The following SUGCT variants were observed in gnomAD, a reference collection of about 807,000 sequenced individuals.
SUGCT encodes the protein succinyl-CoA:glutarate-CoA transferase.
SUGCT carries 41 observed loss-of-function variants against 55.0 expected under a neutral mutation model. The observed-to-expected ratio is 0.74, with a 90% confidence interval of 0.58 to 0.97. The LOEUF (loss-of-function observed/expected upper bound fraction) is 0.97. Ranked by LOEUF, SUGCT falls within the 50% of genes least tolerant of loss-of-function variation. SUGCT has a pLI of 0.00. For missense variants in SUGCT, 568 were observed against 547.8 expected (o/e 1.04, Z -0.37); for synonymous variants, 187 against 200.4 (o/e 0.93, Z 0.56).
intron 12 of SUGCT, among the ~76,000 whole-genome samples, chr7:40,514,804 G>A (rs898789069): frequency 3.3e-5 from 5 of 150,352 alleles, no homozygotes; most frequent in South Asian, 2.1e-4. Flanking sequence ...TCTTTACCAC[G>A]GCATACTTTT....
chr7:41,016,213 C>T, the SUGCT span, among the ~76,000 whole-genome samples: 13 of 152,210 alleles, frequency 8.5e-5, no homozygotes, highest in Non-Finnish European at 1.2e-4. Context: ...TAGCTCTTCA[C>T]GGGAATACAC....
At chr7:40,927,398 T>G in the SUGCT span, among the ~76,000 whole-genome samples, 4 of 152,178 alleles carry the variant, frequency 2.6e-5, no homozygotes. Context: ...GAGTCAGAAC[T>G]ATACAATATC....
intron 8 of SUGCT, among the ~76,000 whole-genome samples, chr7:40,291,553 T>C (rs945865605): frequency 1.9e-4 from 29 of 150,450 alleles, no homozygotes; most frequent in Non-Finnish European, 5.9e-5. Flanking sequence ...ATACCTAATG[T>C]TAAATGGCGA....
chr7:40,448,720 C>A (rs1788998927), intron 9 of SUGCT, among the ~76,000 whole-genome samples: 1 of 152,100 alleles, frequency 6.6e-6, no homozygotes, highest in Non-Finnish European at 1.5e-5. Flanking sequence ...TGCCATGCAC[C>A]TGTAGTCCCA....
chr7:40,638,140 G>T (rs1230379570), intron 12 of SUGCT, among the ~76,000 whole-genome samples: 1 of 152,190 alleles, frequency 6.6e-6, no homozygotes, highest in Non-Finnish European at 1.5e-5. Flanking sequence ...CTTTTAGAGT[G>T]CAGGGTTACT....
At chr7:40,921,044 T>C in the SUGCT span, among the ~76,000 whole-genome samples, 1 of 152,130 alleles carries the variant, frequency 6.6e-6, no homozygotes, top group Non-Finnish European at 1.5e-5. Context: ...TACTGTTAGC[T>C]CCACACTCTA....
At chr7:40,494,779 T>C (rs1189552453) in intron 11 of SUGCT, among the ~76,000 whole-genome samples, 1 of 152,228 alleles carries the variant, frequency 6.6e-6, no homozygotes, top group Non-Finnish European at 1.5e-5. Context: ...TTGAACATCA[T>C]TGTTCATATA....
At chr7:40,913,933 G>A in the SUGCT span, among the ~76,000 whole-genome samples, 1 of 152,046 alleles carries the variant, frequency 6.6e-6, no homozygotes, top group Non-Finnish European at 1.5e-5. Context: ...GTGGAGTCAG[G>A]AAAACAAATT....
chr7:40,341,120 A>G (rs1490433995), intron 9 of SUGCT, among the ~76,000 whole-genome samples: 2 of 152,230 alleles, frequency 1.3e-5, no homozygotes, highest in Non-Finnish European at 2.9e-5. Flanking sequence ...ATTCTTGTTT[A>G]CATTCTAATG....
chr7:40,592,818 C>T (rs181316821), intron 12 of SUGCT, among the ~76,000 whole-genome samples: 196 of 152,302 alleles, frequency 1.3e-3, no homozygotes, highest in African/African-American at 4.3e-3. Context: ...GAGAGATCTT[C>T]ATCCCATTGC....
At chr7:40,372,849 A>G (rs1784354734) in intron 9 of SUGCT, among the ~76,000 whole-genome samples, 1 of 152,060 alleles carries the variant, frequency 6.6e-6, no homozygotes, top group East Asian at 1.9e-4. Context: ...TTGCTCAAAT[A>G]ACGGAAAAGA....
chr7:40,248,456 T>G (rs1374806957), intron 7 of SUGCT, among the ~76,000 whole-genome samples: 1 of 152,248 alleles, frequency 6.6e-6, no homozygotes, highest in East Asian at 1.9e-4. Flanking sequence ...ATAGTTTATT[T>G]AACCTTCTCT....
the SUGCT span, among the ~76,000 whole-genome samples, chr7:40,879,013 C>T: frequency 2.0e-5 from 3 of 152,000 alleles, no homozygotes; most frequent in South Asian, 2.1e-4. Context: ...AGGATGGTCT[C>T]GAGCTCTTGA....
At chr7:40,493,592 A>G (rs2151513530) in intron 11 of SUGCT, among the ~76,000 whole-genome samples, 1 of 152,292 alleles carries the variant, frequency 6.6e-6, no homozygotes, top group Admixed American at 6.5e-5. Context: ...TCTAGAATGA[A>G]ATATATGTGT....
At chr7:40,321,190 C>CT (rs998258688) in intron 9 of SUGCT, among the ~76,000 whole-genome samples, 4 of 150,938 alleles carry the variant, frequency 2.7e-5, no homozygotes, top group African/African-American at 9.9e-5. Flanking sequence ...ATTCTCCCCC[C>CT]TCGGCCTCCT....
At chr7:40,778,209 T>A (rs1363355348) in intron 13 of SUGCT, among the ~76,000 whole-genome samples, 1 of 148,844 alleles carries the variant, frequency 6.7e-6, no homozygotes, top group Non-Finnish European at 1.5e-5. Flanking sequence ...AATTGTACTT[T>A]ATAAATCATA....
intron 1 of SUGCT, among the ~76,000 whole-genome samples, chr7:40,155,129 A>T: frequency 6.6e-6 from 1 of 152,022 alleles, no homozygotes; most frequent in African/African-American, 2.4e-5. Context: ...TACTAAAAAT[A>T]AAAAAATTAG....
chr7:40,346,367 T>A (rs1252496814), intron 9 of SUGCT, among the ~76,000 whole-genome samples: 1 of 152,004 alleles, frequency 6.6e-6, no homozygotes, highest in African/African-American at 2.4e-5. Flanking sequence ...CTTCCATAAC[T>A]AAAAAAAGTC....
At chr7:40,934,285 A>T in the SUGCT span, among the ~76,000 whole-genome samples, 1 of 152,104 alleles carries the variant, frequency 6.6e-6, no homozygotes, top group Admixed American at 6.5e-5. Context: ...AACAGCAAAT[A>T]TTGCTGCCTG....
Sources: allele counts gnomAD v4.1 joint callset (sites outside exome capture counted in the v4.1 genomes callset), GRCh38; gene constraint gnomAD v4.1.1; transcripts MANE v1.5; gene names NCBI Gene and HGNC (gene_info 2026-07-23, HGNC 2026-07-21).